FIG4: variants seen among roughly 807,000 people sequenced by gnomAD.
FIG4 encodes polyphosphoinositide phosphatase.
A neutral mutation model predicts 118.6 loss-of-function variants in FIG4; 112 were observed. That is an observed-to-expected ratio of 0.94 (90% CI 0.81 to 1.11). The LOEUF is 1.11. Ranked by LOEUF, FIG4 falls within the 50% of genes least tolerant of loss-of-function variation. The pLI is 0.00. For synonymous variants in FIG4, 369 were observed against 381.2 expected, an observed-to-expected ratio of 0.97 and a Z score of 0.37; for missense variants, 969 against 1,111.7, an observed-to-expected ratio of 0.87 and a Z score of 1.83.
chr6:109,720,814 A>G (rs1278927625), intron 3 of FIG4, among the ~76,000 whole-genome samples: 1 of 152,314 alleles, frequency 6.6e-6, no homozygotes, highest in East Asian at 1.9e-4. Flanking sequence ...TTTCCTTGCT[A>G]TAAACGGATT....
At chr6:109,746,866 G>A (rs1776516649) in intron 10 of FIG4, among the ~76,000 whole-genome samples, 1 of 152,124 alleles carries the variant, frequency 6.6e-6, no homozygotes, top group African/African-American at 2.4e-5. Flanking sequence ...AACCAGGGTG[G>A]TATGGTGGAG....
Position 109,735,291 on chromosome 6 carries a change from T to TG in FIG4, c.641dup (p.Ser215LysfsTer8). The TG allele has an allele frequency of 6.2e-7, 1 of 1,613,232 alleles. No individual in the cohort carries two copies. The highest frequency in any genetic ancestry group is 8.5e-7 in the Non-Finnish European group (1 of 1,179,372). ...AAGATGAAGGATTAATTACACAAGG[T>TG]GGAAGCGGTAGGTGGTCTTGATATA... On this transcript the variant is annotated frameshift_variant, in exon 6 of 23. Coordinates refer to ENST00000230124, the MANE Select transcript of FIG4 (RefSeq NM_014845.6). LOFTEE classifies it high-confidence loss of function.
At chr6:109,775,927 G>C (rs1052956497) in intron 15 of FIG4, among the ~76,000 whole-genome samples, 1 of 152,170 alleles carries the variant, frequency 6.6e-6, no homozygotes, top group African/African-American at 2.4e-5. Flanking sequence ...ATAACTGTTG[G>C]AAGAAAATTG....
chr6:109,736,182 A>T (rs1343242927), intron 6 of FIG4, among the ~76,000 whole-genome samples: 6 of 152,116 alleles, frequency 3.9e-5, no homozygotes, highest in Non-Finnish European at 5.9e-5. Flanking sequence ...AATGATAGTG[A>T]TGAACATGTG....
At chr6:109,767,492 T>C (rs1777314322) in intron 15 of FIG4, among the ~76,000 whole-genome samples, 5 of 152,182 alleles carry the variant, frequency 3.3e-5, no homozygotes, top group Admixed American at 3.3e-4. Context: ...ATGAAGGAAG[T>C]GCTCAGTGAT....
chr6:109,715,003 A>G (rs1775383463), intron 1 of FIG4, 75 bp from the exon 2 acceptor site: 1 of 779,430 alleles, frequency 1.3e-6, no homozygotes, highest in South Asian at 1.5e-5. Flanking sequence ...ATTTAATTTC[A>G]AAAACTAAAG....
chr6:109,692,848 G>A (rs775460191), intron 1 of FIG4, among the ~76,000 whole-genome samples: 2 of 152,222 alleles, frequency 1.3e-5, no homozygotes, highest in Middle Eastern at 3.4e-3. Context: ...TTACAGGAAT[G>A]TGACACCATG....
Position 109,765,123 on chromosome 6 carries a change from TGA to T in FIG4, c.1546_1547del (p.Asp516GlnfsTer3). The stretch of plus-strand genomic sequence containing the variant: ...ATCAGCTGTATTCACTGGGACTGAT[TGA>T]CAAACCTAATCTACAGTTTGATACA... ...AYQLYSLGLI[D>X]KPNLQFDTDA... On this transcript the variant is annotated frameshift_variant, in exon 14 of 23. Coordinates refer to ENST00000230124, the MANE Select transcript of FIG4 (RefSeq NM_014845.6). LOFTEE classifies it high-confidence loss of function. 6.2e-7 allele frequency: 1 copy of T among 1,614,110 alleles called. No individual in the cohort carries two copies. The highest frequency in any genetic ancestry group is 8.5e-7 in the Non-Finnish European group (1 of 1,179,946).
In FIG4 at chr6:109,716,431, G is replaced by T. The variant is rs755434755; in HGVS notation, c.166-14G>T. The T allele has an allele frequency of 6.2e-7, 1 of 1,612,934 alleles. No individual in the cohort carries two copies. Among genetic ancestry groups the T allele is most frequent in the Non-Finnish European group, 8.5e-7 (1 of 1,179,174 alleles). ...TTAAGCACAACCTTACAGAGTAAAT[G>T]TGCTTATTCTTAGCATGTCTATACT... is the stretch of plus-strand genomic sequence containing the variant. On this transcript the variant is annotated splice_polypyrimidine_tract_variant and intron_variant, in intron 2 of 22. Transcript: ENST00000230124.
At chr6:109,768,958 T>G (rs1208198348) in intron 15 of FIG4, among the ~76,000 whole-genome samples, 1 of 152,138 alleles carries the variant, frequency 6.6e-6, no homozygotes, top group Non-Finnish European at 1.5e-5. Context: ...AGGAGAATCC[T>G]CATCGGCTAC....
At chr6:109,789,898 C>T (rs2128396905) in intron 19 of FIG4, among the ~76,000 whole-genome samples, 1 of 152,282 alleles carries the variant, frequency 6.6e-6, no homozygotes, top group Admixed American at 6.5e-5. Context: ...GACATAAAGG[C>T]AGGTGACAGA....
At chr6:109,792,432 C>T in intron 20 of FIG4, 150 bp from the exon 21 acceptor site, 2 of 580,172 alleles carry the variant, frequency 3.4e-6, no homozygotes, top group Non-Finnish European at 6.1e-6. Flanking sequence ...TTTTTAAAAC[C>T]ATCAACTAAG....
intron 6 of FIG4, among the ~76,000 whole-genome samples, chr6:109,737,444 G>A (rs1276320582): frequency 6.6e-6 from 1 of 152,052 alleles, no homozygotes; most frequent in East Asian, 1.9e-4. Flanking sequence ...TCCTATTGAT[G>A]TCTTTATTAT....
At position 109,806,069 on chromosome 6, in the gene FIG4, CTT is replaced by C. The variant is rs1778556314; in HGVS notation, c.2546+9220_2546+9221del. Among the ~76,000 whole-genome samples the C allele has an allele frequency of 3.9e-5, 6 of 152,244 alleles. No individual in the cohort carries two copies. The South Asian group carries it at 1.2e-3, about 32-fold the overall frequency. On this transcript the variant is annotated intron_variant, in intron 22 of 22. Transcript: ENST00000230124. ...TATTGAAGCTTCTTAAGCCCAGTAA[CTT>C]TGTTTTGCACATGCTTATCTGTTCA...
chr6:109,693,733 G>C (rs1330201308), intron 1 of FIG4, among the ~76,000 whole-genome samples: 2 of 152,042 alleles, frequency 1.3e-5, no homozygotes, highest in Non-Finnish European at 2.9e-5. Flanking sequence ...TTCATGGCCA[G>C]GGGGGGTCTG....
At chr6:109,756,743 C>T (rs1026107485) in intron 10 of FIG4, among the ~76,000 whole-genome samples, 2 of 152,234 alleles carry the variant, frequency 1.3e-5, no homozygotes, top group African/African-American at 4.8e-5. Context: ...CCTGAGGCTT[C>T]TGCATTCTTG....
intron 4 of FIG4, among the ~76,000 whole-genome samples, chr6:109,730,336 A>G (rs566810222): frequency 6.6e-6 from 1 of 152,300 alleles, no homozygotes; most frequent in South Asian, 2.1e-4. Flanking sequence ...GACATGAGCC[A>G]CAGGGCCTGG....
chr6:109,724,926 A>G (rs1249410594), intron 3 of FIG4, among the ~76,000 whole-genome samples: 1 of 152,006 alleles, frequency 6.6e-6, no homozygotes, highest in East Asian at 1.9e-4. Flanking sequence ...AACTGTATGC[A>G]TCTTGTGCAA....
chr6:109,744,496 T>C (rs1776421925), intron 10 of FIG4, among the ~76,000 whole-genome samples: 1 of 151,988 alleles, frequency 6.6e-6, no homozygotes, highest in Non-Finnish European at 1.5e-5. Context: ...GGTGTTGTTA[T>C]GTTATGTGCT....
Sources: gnomAD v4.1 joint callset for allele counts (sites outside exome capture counted in the v4.1 genomes callset) on GRCh38, gnomAD v4.1.1 for gene constraint, MANE v1.5 for transcripts, NCBI Gene and HGNC (gene_info 2026-07-23, HGNC 2026-07-21) for gene names.